Variants in CNTNAP2 observed in about 807,000 individuals in gnomAD.
CNTNAP2 encodes the protein contactin-associated protein-like 2.
Under a neutral mutation model 155.2 loss-of-function variants are expected in CNTNAP2, and 98 were observed. The observed-to-expected ratio is 0.63, with a 90% CI of 0.54 to 0.75. The LOEUF (loss-of-function observed/expected upper bound fraction) is 0.75. Among genes scored for constraint, CNTNAP2 ranks in the 30% least tolerant of loss-of-function variants. The pLI, the probability that CNTNAP2 is intolerant of heterozygous loss-of-function variation, is 0.00. For missense variants in CNTNAP2, 1,727 were observed against 1,688.1 expected (o/e 1.02, Z -0.40); for synonymous variants, 651 against 631.2 (o/e 1.03, Z -0.47).
intron 1 of CNTNAP2, among the ~76,000 whole-genome samples, chr7:146,409,709 C>A (rs921819971): frequency 2.6e-5 from 4 of 152,172 alleles, no homozygotes; most frequent in African/African-American, 9.7e-5. Flanking sequence ...CATCCTCCTC[C>A]CCAAAGGCTT....
intron 13 of CNTNAP2, among the ~76,000 whole-genome samples, chr7:147,794,128 T>C (rs1797858052): frequency 1.3e-5 from 2 of 152,014 alleles, no homozygotes; most frequent in African/African-American, 4.8e-5. Context: ...TCTTTTATAA[T>C]CTGGATGTAT....
intron 3 of CNTNAP2, among the ~76,000 whole-genome samples, chr7:147,010,488 C>T (rs1407698002): frequency 6.6e-6 from 1 of 151,746 alleles, no homozygotes; most frequent in African/African-American, 2.4e-5. Context: ...TCTATTTGTG[C>T]CAGAAAGTAA....
chr7:148,048,206 G>A (rs566015753), intron 15 of CNTNAP2, among the ~76,000 whole-genome samples: 1 of 151,656 alleles, frequency 6.6e-6, no homozygotes, highest in African/African-American at 2.4e-5. Context: ...TTACAGGCGT[G>A]AGCCACCACA....
At chr7:146,765,631 C>T (rs1362206226) in intron 1 of CNTNAP2, among the ~76,000 whole-genome samples, 3 of 152,078 alleles carry the variant, frequency 2.0e-5, no homozygotes, top group African/African-American at 4.8e-5. Flanking sequence ...TATTTACAGT[C>T]CATTCAACAA....
intron 13 of CNTNAP2, among the ~76,000 whole-genome samples, chr7:147,860,526 G>A (rs1799117107): frequency 6.8e-6 from 1 of 147,328 alleles, no homozygotes; most frequent in Non-Finnish European, 1.5e-5. Flanking sequence ...GGAGGCAGAG[G>A]TTGTGGTGAG....
In CNTNAP2 at chr7:147,468,936, G is replaced by T. The variant is rs1001292425; in HGVS notation, c.1671-16999G>T. On this transcript the variant is annotated intron_variant, in intron 10 of 23. Transcript: ENST00000361727. ...GCTCACTGCAACCTCCGCCTCCTGG[G>T]TTCAAGCCATTCGCAAGCCTCAGCT... Among the ~76,000 whole-genome samples the T allele has an allele frequency of 2.0e-5, 3 of 151,768 alleles. No homozygotes were observed. In the East Asian group the frequency reaches 5.8e-4, roughly 30 times the overall value.
intron 3 of CNTNAP2, among the ~76,000 whole-genome samples, chr7:147,005,292 C>G (rs902083341): frequency 2.0e-5 from 3 of 151,978 alleles, no homozygotes; most frequent in Admixed American, 6.6e-5. Context: ...TCTTTAATCT[C>G]ACAGATATTC....
At chr7:147,237,488 G>T (rs537048050) in intron 8 of CNTNAP2, among the ~76,000 whole-genome samples, 6 of 152,318 alleles carry the variant, frequency 3.9e-5, no homozygotes, top group African/African-American at 1.2e-4. Context: ...TAGTTCAAGT[G>T]CTGGCTCCAC....
In CNTNAP2 at chr7:146,633,839, A is replaced by G. The variant is rs1442057031; in HGVS notation, c.98-140432A>G. The stretch of plus-strand genomic sequence containing the variant: ...AGCGAGACTGCATCTAGAGAAAAAA[A>G]AAAAAAAAAAAAAAAAACAGAAACG... On this transcript the variant is annotated intron_variant, in intron 1 of 23. Transcript: ENST00000361727. 8.3e-5 allele frequency among the ~76,000 whole-genome samples: 5 copies of G among 60,322 alleles called. No homozygotes were observed. The East Asian group carries it at 1.1e-3, about 13-fold the overall frequency. 39.6% of individuals were successfully genotyped at this position (60,322 alleles called of 152,430 possible).
intron 1 of CNTNAP2, among the ~76,000 whole-genome samples, chr7:146,639,742 A>G (rs1799673741): frequency 6.6e-6 from 1 of 152,226 alleles, no homozygotes; most frequent in Non-Finnish European, 1.5e-5. Flanking sequence ...TACAGGTATT[A>G]TCTCATATAA....
At chr7:146,911,278 C>T (rs1052114059) in intron 3 of CNTNAP2, among the ~76,000 whole-genome samples, 1 of 152,022 alleles carries the variant, frequency 6.6e-6, no homozygotes, top group Non-Finnish European at 1.5e-5. Flanking sequence ...ACTAGAAATA[C>T]CATTTGACCC....
intron 14 of CNTNAP2, among the ~76,000 whole-genome samples, chr7:147,934,082 T>C (rs1423660745): frequency 3.3e-5 from 5 of 152,162 alleles, no homozygotes; most frequent in African/African-American, 7.2e-5. Context: ...GGACTTGCTA[T>C]TCAATGGGTA....
At chr7:146,165,065 A>C (rs1433281041) in intron 1 of CNTNAP2, among the ~76,000 whole-genome samples, 1 of 152,156 alleles carries the variant, frequency 6.6e-6, no homozygotes, top group African/African-American at 2.4e-5. Context: ...TACGAACTAT[A>C]ATCTATGACA....
At chr7:146,867,672 T>G (rs2129206571) in intron 3 of CNTNAP2, among the ~76,000 whole-genome samples, 1 of 152,154 alleles carries the variant, frequency 6.6e-6, no homozygotes, top group Middle Eastern at 3.4e-3. Context: ...CACAACCTCA[T>G]CAGCATCTGT....
At chr7:147,959,323 C>A (rs552481951) in intron 14 of CNTNAP2, among the ~76,000 whole-genome samples, 132 of 152,060 alleles carry the variant, frequency 8.7e-4, no homozygotes, top group African/African-American at 3.1e-3. Context: ...CTTCTTAGGA[C>A]AGATGTGGGT....
At chr7:146,468,670 G>T (rs1248889353) in intron 1 of CNTNAP2, among the ~76,000 whole-genome samples, 1 of 152,064 alleles carries the variant, frequency 6.6e-6, no homozygotes, top group African/African-American at 2.4e-5. Flanking sequence ...TTTCGACAAA[G>T]AAATAAGCTC....
chr7:147,616,418 T>C (rs1801294247), intron 12 of CNTNAP2, among the ~76,000 whole-genome samples: 2 of 152,218 alleles, frequency 1.3e-5, no homozygotes, highest in Admixed American at 6.5e-5. Context: ...AAGACTTTAA[T>C]ATGCCTTACA....
intron 1 of CNTNAP2, among the ~76,000 whole-genome samples, chr7:146,382,384 A>G (rs1216781433): frequency 1.3e-5 from 2 of 152,220 alleles, no homozygotes; most frequent in African/African-American, 2.4e-5. Flanking sequence ...GTAATTGGGG[A>G]AAGCATTGAT....
At chr7:147,251,133 A>G (rs1767200566) in intron 8 of CNTNAP2, among the ~76,000 whole-genome samples, 2 of 152,104 alleles carry the variant, frequency 1.3e-5, no homozygotes, top group Admixed American at 1.3e-4. Context: ...CCCTTTCACT[A>G]TTAGTCCTCG....
Sources: allele counts gnomAD v4.1 joint callset (sites outside exome capture counted in the v4.1 genomes callset), GRCh38; gene constraint gnomAD v4.1.1; transcripts MANE v1.5; gene names NCBI Gene and HGNC (gene_info 2026-07-23, HGNC 2026-07-21).